The following RBFOX1 variants were observed in gnomAD, a reference collection of about 807,000 sequenced individuals.
RBFOX1 encodes RNA binding protein fox-1 homolog 1.
In RBFOX1, 8 loss-of-function variants were observed where a neutral mutation model predicts 57.7. The ratio of observed to expected loss-of-function variants is 0.14; its 90% CI spans 0.08 to 0.25. The LOEUF is 0.25. RBFOX1 is among the 10% of genes least tolerant of loss of function. The pLI is 1.00. For missense variants in RBFOX1, 611 were observed against 548.5 expected (o/e 1.11, Z -1.14); for synonymous variants, 326 against 222.4 (o/e 1.47, Z -4.15).
At chr16:7,044,943 C>G (rs915044617) in intron 3 of RBFOX1, among the ~76,000 whole-genome samples, 1 of 152,132 alleles carries the variant, frequency 6.6e-6, no homozygotes, top group Non-Finnish European at 1.5e-5. Flanking sequence ...CTTACTGAGT[C>G]TTCCAAGAAT....
intron 4 of RBFOX1, among the ~76,000 whole-genome samples, chr16:7,114,091 T>C (rs991684595): frequency 6.6e-6 from 1 of 152,218 alleles, no homozygotes; most frequent in African/African-American, 2.4e-5. Flanking sequence ...CACCTCAGAC[T>C]TGGGCTATTT....
intron 2 of RBFOX1, among the ~76,000 whole-genome samples, chr16:6,643,012 G>A (rs569171545): frequency 4.6e-5 from 7 of 152,288 alleles, no homozygotes; most frequent in South Asian, 4.1e-4. Context: ...TGAAACCATA[G>A]ACTTTTCGGA....
chr16:5,630,236 C>T (rs1230294726), intron 3 of RBFOX1, among the ~76,000 whole-genome samples: 1 of 152,124 alleles, frequency 6.6e-6, no homozygotes, highest in Admixed American at 6.5e-5. Flanking sequence ...GTGAGTGGAT[C>T]ACCTGAGGTC....
intron 4 of RBFOX1, among the ~76,000 whole-genome samples, chr16:7,475,166 C>G (rs2062388141): frequency 6.6e-6 from 1 of 151,988 alleles, no homozygotes; most frequent in Non-Finnish European, 1.5e-5. Context: ...CATCTCTGTT[C>G]CTTTTATTTT....
intron 5 of RBFOX1, among the ~76,000 whole-genome samples, chr16:7,534,150 G>C (rs11865460): frequency 1.4e-5 from 2 of 144,686 alleles, no homozygotes; most frequent in Non-Finnish European, 3.0e-5. Context: ...GCAGTGGCTC[G>C]ATCTCGGCTC....
At chr16:7,005,120 G>C (rs956343455) in intron 3 of RBFOX1, among the ~76,000 whole-genome samples, 4 of 152,028 alleles carry the variant, frequency 2.6e-5, no homozygotes, top group African/African-American at 9.7e-5. Context: ...CTCCAGCCTG[G>C]GTGACAAGAG....
At chr16:7,240,713 C>T (rs1023728514) in intron 4 of RBFOX1, among the ~76,000 whole-genome samples, 1 of 151,980 alleles carries the variant, frequency 6.6e-6, no homozygotes, top group Non-Finnish European at 1.5e-5. Flanking sequence ...CACCACCACA[C>T]CTGGCTAATT....
At chr16:6,839,843 T>G (rs1886479237) in intron 3 of RBFOX1, among the ~76,000 whole-genome samples, 1 of 152,330 alleles carries the variant, frequency 6.6e-6, no homozygotes, top group African/African-American at 2.4e-5. Flanking sequence ...ATCATACCTC[T>G]GTTCTTACGT....
At chr16:7,080,450 A>G (rs1394043035) in intron 4 of RBFOX1, among the ~76,000 whole-genome samples, 1 of 152,160 alleles carries the variant, frequency 6.6e-6, no homozygotes, top group Non-Finnish European at 1.5e-5. Flanking sequence ...GACTGTTTGT[A>G]CTGAATACAT....
At chr16:7,332,676 C>T (rs574349209) in intron 4 of RBFOX1, 4 of 750,504 alleles carry the variant, frequency 5.3e-6, no homozygotes, top group Non-Finnish European at 7.0e-6. Context: ...CTCTCTGTCT[C>T]TCTCTCTCTC....
At chr16:5,814,963 T>A (rs1033013610) in intron 3 of RBFOX1, among the ~76,000 whole-genome samples, 53 of 151,318 alleles carry the variant, frequency 3.5e-4, no homozygotes, top group African/African-American at 1.1e-3. Flanking sequence ...AAAAAAAAAA[T>A]TTTATTCCTG....
At chr16:6,956,547 A>G (rs1322044370) in intron 3 of RBFOX1, among the ~76,000 whole-genome samples, 4 of 152,144 alleles carry the variant, frequency 2.6e-5, no homozygotes, top group Non-Finnish European at 5.9e-5. Context: ...CCTAAGGGCC[A>G]GTGGGGGCAG....
In RBFOX1 at chr16:7,292,130, A is replaced by C. The variant is rs9924607; in HGVS notation, c.28-226017A>C. ...GTATTATGTATAATATATAATATAT[A>C]ATGTATTACGTATGATATATAATAT... On this transcript the variant is annotated intron_variant, in intron 4 of 15. Coordinates refer to ENST00000550418, the MANE Select transcript of RBFOX1 (RefSeq NM_018723.4). 5.2e-5 allele frequency among the ~76,000 whole-genome samples: 7 copies of C among 135,466 alleles called. No individual in the cohort carries two copies. The South Asian group carries it at 1.1e-3, about 22-fold the overall frequency. 88.9% of individuals were successfully genotyped at this position (135,466 alleles called of 152,430 possible). A position where few individuals can be genotyped will look rare whatever the true frequency, so the allele number is the denominator to read the frequency against.
At chr16:7,091,285 A>C (rs1186836537) in intron 4 of RBFOX1, among the ~76,000 whole-genome samples, 1 of 151,528 alleles carries the variant, frequency 6.6e-6, no homozygotes, top group Non-Finnish European at 1.5e-5. Flanking sequence ...TTTTTGTTAC[A>C]AATTTGGTGT....
chr16:7,149,483 CTT>C (rs60001454), intron 4 of RBFOX1, among the ~76,000 whole-genome samples: 24,153 of 121,996 alleles, frequency 0.2, 2,959 homozygotes, highest in African/African-American at 0.37. Context: ...TCTTTCTTTC[CTT>C]TTTTTTTTTT....
At chr16:6,953,291 A>C (rs2081132587) in intron 3 of RBFOX1, among the ~76,000 whole-genome samples, 1 of 152,216 alleles carries the variant, frequency 6.6e-6, no homozygotes. Flanking sequence ...ATAAGGCAGA[A>C]CTACTCTGAA....
At chr16:5,827,423 A>G (rs1567594290) in intron 3 of RBFOX1, among the ~76,000 whole-genome samples, 2 of 149,842 alleles carry the variant, frequency 1.3e-5, no homozygotes, top group Non-Finnish European at 3.0e-5. Flanking sequence ...AAAAAAAAAG[A>G]AAAGAAAAAG....
intron 1 of RBFOX1, among the ~76,000 whole-genome samples, chr16:6,026,129 G>A (rs867594351): frequency 6.6e-6 from 1 of 152,108 alleles, no homozygotes; most frequent in Non-Finnish European, 1.5e-5. Context: ...GTCGATTCTC[G>A]TTTTTTACAG....
intron 2 of RBFOX1, among the ~76,000 whole-genome samples, chr16:6,632,304 G>T (rs1325008740): frequency 1.3e-5 from 2 of 151,434 alleles, no homozygotes; most frequent in Non-Finnish European, 2.9e-5. Flanking sequence ...GTGAAACCTT[G>T]CACCAGTTGT....
Sources: allele counts gnomAD v4.1 joint callset (sites outside exome capture counted in the v4.1 genomes callset), GRCh38; gene constraint gnomAD v4.1.1; transcripts MANE v1.5; gene names NCBI Gene and HGNC (gene_info 2026-07-23, HGNC 2026-07-21).